Variants in PUDP observed in about 807,000 individuals in gnomAD.
PUDP encodes the protein pseudouridine 5'-phosphatase.
A neutral mutation model predicts 9.4 loss-of-function variants in PUDP; 8 were observed. That is an observed-to-expected ratio of 0.85 (90% confidence interval 0.50 to 1.53). PUDP has a LOEUF of 1.53. Among genes scored for constraint, PUDP ranks in the 40% most tolerant of loss-of-function variants. PUDP has a pLI of 0.00. For synonymous variants in PUDP, 99 were observed against 80.7 expected (o/e 1.23, Z -1.22); for missense variants, 188 against 189.7 (o/e 0.99, Z 0.05).
At chrX:6,766,788 T>C (rs1925290948) in intron 3 of PUDP, among the ~76,000 whole-genome samples, 1 of 112,135 alleles carries the variant, frequency 8.9e-6, no homozygotes, top group Non-Finnish European at 1.9e-5. Context: ...ATGCACTAAT[T>C]TGTTCTGCAA....
chrX:7,020,030 G>A (rs1195524052), intron 1 of PUDP, among the ~76,000 whole-genome samples: 1 of 110,386 alleles, frequency 9.1e-6, no homozygotes, highest in African/African-American at 3.3e-5. Context: ...ATGAGAGAGA[G>A]AGAGAGAAAG....
intron 1 of PUDP, among the ~76,000 whole-genome samples, chrX:7,000,446 TA>T (rs1274582037): frequency 9.0e-6 from 1 of 111,146 alleles, no homozygotes; most frequent in African/African-American, 3.3e-5. Context: ...CAAACCAATG[TA>T]ACTCCTCCAA....
chrX:6,941,653 T>A (rs1329219151), intron 3 of PUDP, among the ~76,000 whole-genome samples: 1 of 106,878 alleles, frequency 9.4e-6, no homozygotes, highest in African/African-American at 3.3e-5. Context: ...TAAGGTTGAG[T>A]CATCTTGTGG....
chrX:6,712,347 T>C (rs1924542852), intron 1 of PUDP, among the ~76,000 whole-genome samples: 1 of 111,305 alleles, frequency 9.0e-6, no homozygotes, highest in Non-Finnish European at 1.9e-5. Flanking sequence ...GACGGGTTTT[T>C]GCCATGTTGG....
At chrX:7,052,326 C>T (rs1339130509) in intron 3 of PUDP, among the ~76,000 whole-genome samples, 2 of 111,597 alleles carry the variant, frequency 1.8e-5, no homozygotes, top group Non-Finnish European at 3.8e-5. Flanking sequence ...TGTGTGCCAC[C>T]ACACCTGGCC....
At chrX:6,747,243 C>T (rs1438943218) in intron 3 of PUDP, among the ~76,000 whole-genome samples, 3 of 112,024 alleles carry the variant, frequency 2.7e-5, no homozygotes, top group Non-Finnish European at 5.6e-5. Context: ...TTTCAGTACA[C>T]GGGCAGTGTC....
chrX:7,144,115 T>C (rs752159352), intron 1 of PUDP, among the ~76,000 whole-genome samples: 115 of 111,955 alleles, frequency 1.0e-3, no homozygotes, highest in African/African-American at 3.2e-3. Context: ...TAACCACCTA[T>C]GGAAGCATGC....
chrX:6,848,935 C>T (rs1208175557), intron 3 of PUDP, among the ~76,000 whole-genome samples: 1 of 111,991 alleles, frequency 8.9e-6, no homozygotes, highest in African/African-American at 3.2e-5. Flanking sequence ...TAGAGCAATG[C>T]AAAAATGGCC....
intron 3 of PUDP, among the ~76,000 whole-genome samples, chrX:6,815,272 C>A (rs188513141): frequency 2.5e-4 from 28 of 110,050 alleles, no homozygotes; most frequent in Admixed American, 5.8e-4. Flanking sequence ...AAAAGAAATT[C>A]TGATTCCAAC....
intron 3 of PUDP, among the ~76,000 whole-genome samples, chrX:6,857,339 C>T (rs184548504): frequency 4.4e-5 from 5 of 113,258 alleles, no homozygotes; most frequent in Non-Finnish European, 9.4e-5. Flanking sequence ...TAAAGCTGCA[C>T]TCATAGAATT....
intron 3 of PUDP, among the ~76,000 whole-genome samples, chrX:6,818,301 G>C (rs1425453254): frequency 8.9e-6 from 1 of 111,812 alleles, no homozygotes; most frequent in East Asian, 2.8e-4. Context: ...TTGACTAAAG[G>C]GTTTTATTTT....
intron 3 of PUDP, among the ~76,000 whole-genome samples, chrX:6,915,089 C>T (rs775643583): frequency 4.5e-5 from 5 of 111,754 alleles, no homozygotes; most frequent in African/African-American, 1.3e-4. Flanking sequence ...CTGTTTTCAG[C>T]GAATGTAGAG....
At chrX:6,771,995 A>C in intron 3 of PUDP, among the ~76,000 whole-genome samples, 1 of 112,902 alleles carries the variant, frequency 8.9e-6, no homozygotes, top group Middle Eastern at 4.6e-3. Context: ...ATGCAGAACC[A>C]AGTGAAATGT....
At chrX:6,826,260 C>A (rs1486690322) in intron 3 of PUDP, among the ~76,000 whole-genome samples, 1 of 111,540 alleles carries the variant, frequency 9.0e-6, no homozygotes, top group African/African-American at 3.3e-5. Flanking sequence ...AAAATAATAC[C>A]TACATGCAAC....
intron 3 of PUDP, among the ~76,000 whole-genome samples, chrX:6,750,691 G>C (rs1158557029): frequency 9.0e-6 from 1 of 111,507 alleles, no homozygotes; most frequent in Non-Finnish European, 1.9e-5. Flanking sequence ...CCAACTATAA[G>C]ATGCACTATC....
intron 3 of PUDP, among the ~76,000 whole-genome samples, chrX:6,837,775 C>T (rs773169015): frequency 9.0e-6 from 1 of 111,295 alleles, no homozygotes; most frequent in Non-Finnish European, 1.9e-5. Context: ...AATGCCCCAG[C>T]CCTTTCTGTG....
chrX:7,116,451 C>T lies in PUDP; in HGVS notation c.62-10613G>A, dbSNP rs139203155. Among the ~76,000 whole-genome samples, 767 of 111,514 alleles carry T rather than the reference C, an allele frequency of 6.9e-3. 6 individuals carry two copies. The highest frequency in any genetic ancestry group is 0.024 in the African/African-American group (734 of 30,686). On this transcript the variant is annotated intron_variant, in intron 1 of 3. Coordinates refer to ENST00000381077, the MANE Select transcript of PUDP (RefSeq NM_012080.5). ...CTGCCTCCTGGTTTCTTCCCAGCCACCTTGGCCATCCGTTAGCAAACCCCT... is the reference window on the plus strand; with the variant it reads ...CTGCCTCCTGGTTTCTTCCCAGCCATCTTGGCCATCCGTTAGCAAACCCCT...
At chrX:6,903,294 T>C (rs181599694) in intron 3 of PUDP, among the ~76,000 whole-genome samples, 36 of 111,907 alleles carry the variant, frequency 3.2e-4, no homozygotes, top group Middle Eastern at 4.7e-3. Context: ...AAAGAATTAA[T>C]GATCTCCTTT....
In PUDP at chrX:6,799,761, C is replaced by T. The variant is rs541359779; in HGVS notation, c.*248-93295G>A. 3.6e-5 allele frequency among the ~76,000 whole-genome samples: 4 copies of T among 110,457 alleles called. No individual in the cohort carries two copies. In the South Asian group the frequency reaches 1.6e-3, roughly 43 times the overall value. On this transcript the variant is annotated intron_variant and NMD_transcript_variant, in intron 3 of 3. Transcript: ENST00000655425. ...TGAGGCAGGAGAATCACTTGAACCCCGGAGGCAGAGGTTGCGGTGAGCCGA... is the reference window on the plus strand; with the variant it reads ...TGAGGCAGGAGAATCACTTGAACCCTGGAGGCAGAGGTTGCGGTGAGCCGA...
Sources: allele counts gnomAD v4.1 joint callset (sites outside exome capture counted in the v4.1 genomes callset), GRCh38; gene constraint gnomAD v4.1.1; transcripts MANE v1.5; gene names NCBI Gene and HGNC (gene_info 2026-07-23, HGNC 2026-07-21).